EVL: variants seen among roughly 807,000 people sequenced by gnomAD.
EVL encodes ena/VASP-like protein.
In EVL, 21 loss-of-function variants were observed where a neutral mutation model predicts 59.6. The observed-to-expected ratio is 0.35, with a 90% CI of 0.25 to 0.51. EVL has a LOEUF of 0.51. Ranked by LOEUF, EVL falls within the 20% of genes least tolerant of loss-of-function variation. The probability of loss-of-function intolerance (pLI) is 0.97; values close to 1 mark genes in which losing one functional copy is unlikely to be tolerated. For missense variants in EVL, 462 were observed against 546.6 expected (o/e 0.85, Z 1.54); for synonymous variants, 198 against 203.5 (o/e 0.97, Z 0.23).
intron 3 of EVL, among the ~76,000 whole-genome samples, chr14:100,123,142 T>A (rs1409094804): frequency 4.6e-5 from 7 of 152,204 alleles, no homozygotes; most frequent in African/African-American, 1.7e-4. Context: ...AGTTCCCCGC[T>A]GATTTTAATT....
intron 1 of EVL, among the ~76,000 whole-genome samples, chr14:100,053,339 A>G (rs2140250481): frequency 6.6e-6 from 1 of 152,110 alleles, no homozygotes; most frequent in Middle Eastern, 3.4e-3. Flanking sequence ...AGTTGGTTGG[A>G]AAACTATAGG....
chr14:100,009,719 C>G (rs2061004433), intron 1 of EVL, among the ~76,000 whole-genome samples: 1 of 152,184 alleles, frequency 6.6e-6, no homozygotes. Context: ...GCCTATGACA[C>G]AGTCATGAGA....
chr14:100,081,793 G>A (rs2062313732), intron 1 of EVL, among the ~76,000 whole-genome samples: 1 of 152,130 alleles, frequency 6.6e-6, no homozygotes, highest in Non-Finnish European at 1.5e-5. Context: ...AACCCACACA[G>A]CGTTTGCTTC....
intron 4 of EVL, among the ~76,000 whole-genome samples, chr14:100,125,921 C>T (rs964191695): frequency 1.3e-5 from 2 of 152,208 alleles, no homozygotes; most frequent in African/African-American, 2.4e-5. Flanking sequence ...TTCTGGCACT[C>T]CCACCAAGCC....
At chr14:100,125,548 CT>C (rs990945093) in intron 4 of EVL, among the ~76,000 whole-genome samples, 1 of 151,500 alleles carries the variant, frequency 6.6e-6, no homozygotes, top group Admixed American at 6.6e-5. Context: ...CTAAAAGGGG[CT>C]TTTCCGTAAT....
intron 3 of EVL, among the ~76,000 whole-genome samples, chr14:100,117,307 C>G (rs1194869213): frequency 6.6e-6 from 1 of 152,234 alleles, no homozygotes. Context: ...GGCATTGAGG[C>G]AGCAAGGCCA....
chr14:100,053,597 A>G (rs1013638580), intron 1 of EVL, among the ~76,000 whole-genome samples: 1 of 152,238 alleles, frequency 6.6e-6, no homozygotes, highest in Non-Finnish European at 1.5e-5. Context: ...TTGATTACTC[A>G]AACATCATTA....
intron 2 of EVL, 38 bp from the exon 3 acceptor site, chr14:100,097,439 TTTTA>T: frequency 6.4e-7 from 1 of 1,561,170 alleles, no homozygotes; most frequent in Non-Finnish European, 8.7e-7. Context: ...CTCACTTACA[TTTTA>T]TTTATTTACA....
chr14:99,990,745 A>G (rs1410824717), intron 1 of EVL, among the ~76,000 whole-genome samples: 1 of 152,110 alleles, frequency 6.6e-6, no homozygotes, highest in Non-Finnish European at 1.5e-5. Flanking sequence ...CTTTTTAAAC[A>G]TTCATTCATT....
At chr14:100,027,881 GC>G (rs1351984168) in intron 1 of EVL, among the ~76,000 whole-genome samples, 8 of 152,018 alleles carry the variant, frequency 5.3e-5, no homozygotes. Context: ...CCACATGTTG[GC>G]CAGGCTGGTC....
intron 1 of EVL, among the ~76,000 whole-genome samples, chr14:99,996,231 G>C (rs907936891): frequency 1.3e-5 from 2 of 151,276 alleles, no homozygotes; most frequent in Non-Finnish European, 2.9e-5. Flanking sequence ...GAACTTTTCT[G>C]CTGGCTTTCA....
At chr14:99,993,358 G>GT (rs1324029771) in intron 1 of EVL, among the ~76,000 whole-genome samples, 3 of 151,798 alleles carry the variant, frequency 2.0e-5, no homozygotes, top group Admixed American at 6.6e-5. Flanking sequence ...GCGCCCGGTC[G>GT]TTTAATCCTT....
intron 3 of EVL, chr14:100,106,066 CAAG>C (rs1886548027): frequency 6.6e-6 from 1 of 152,186 alleles, no homozygotes; most frequent in African/African-American, 2.4e-5. Context: ...TCAGACCAGA[CAAG>C]AAGCTCTCAC....
chr14:100,055,370 G>A (rs1455661557), intron 1 of EVL, among the ~76,000 whole-genome samples: 1 of 151,982 alleles, frequency 6.6e-6, no homozygotes. Flanking sequence ...CCTCTTCATG[G>A]CTTAAAAGTA....
rs954773564 is a variant in EVL, at chr14:100,060,086, T to C, written c.6-24601T>C. On this transcript the variant is annotated intron_variant, in intron 1 of 13. Transcript: ENST00000402714. ...ATGTTCACAGACTTTAAGTAAAAGG[T>C]GGATAAAGTGAACAAACAGGAAATC... 2.6e-5 allele frequency among the ~76,000 whole-genome samples: 4 copies of C among 152,132 alleles called. No individual in the cohort carries two copies. In the South Asian group the frequency reaches 6.2e-4, roughly 24 times the overall value.
At chr14:100,078,872 T>G (rs937169706) in intron 1 of EVL, among the ~76,000 whole-genome samples, 1 of 152,186 alleles carries the variant, frequency 6.6e-6, no homozygotes, top group African/African-American at 2.4e-5. Flanking sequence ...AAATTGGCCC[T>G]CAAGACAGAG....
At chr14:100,105,605 T>C (rs917139240) in intron 3 of EVL, among the ~76,000 whole-genome samples, 1 of 151,872 alleles carries the variant, frequency 6.6e-6, no homozygotes, top group Non-Finnish European at 1.5e-5. Context: ...TAGACCTGGC[T>C]GTGCTCTTTC....
intron 1 of EVL, chr14:100,019,536 C>G: frequency 1.3e-6 from 1 of 749,798 alleles, no homozygotes; most frequent in Non-Finnish European, 2.0e-6. Flanking sequence ...CCTTTTACTT[C>G]AGAATATTGG....
intron 1 of EVL, among the ~76,000 whole-genome samples, chr14:99,980,368 G>A (rs1271884405): frequency 6.6e-6 from 1 of 152,154 alleles, no homozygotes; most frequent in Non-Finnish European, 1.5e-5. Context: ...GGTTGTGGCT[G>A]GTAATGCCTA....
Sources: gnomAD v4.1 joint callset for allele counts (sites outside exome capture counted in the v4.1 genomes callset) on GRCh38, gnomAD v4.1.1 for gene constraint, MANE v1.5 for transcripts, NCBI Gene and HGNC (gene_info 2026-07-23, HGNC 2026-07-21) for gene names.